CLSTN2: variants seen among roughly 807,000 people sequenced by gnomAD.
CLSTN2 encodes calsyntenin 2, also known as calsyntenin-2.
A neutral mutation model predicts 101.2 loss-of-function variants in CLSTN2; 48 were observed. The ratio of observed to expected loss-of-function variants is 0.47; its 90% confidence interval spans 0.38 to 0.60. CLSTN2 has a LOEUF of 0.60. Among genes scored for constraint, CLSTN2 ranks in the 20% least tolerant of loss-of-function variants. The pLI is 0.00. For missense variants in CLSTN2, 1,160 were observed against 1,238.2 expected (o/e 0.94, Z 0.95); for synonymous variants, 481 against 463.6 (o/e 1.04, Z -0.48).
At chr3:140,149,658 C>T (rs1266259382) in intron 1 of CLSTN2, among the ~76,000 whole-genome samples, 1 of 152,066 alleles carries the variant, frequency 6.6e-6, no homozygotes, top group Non-Finnish European at 1.5e-5. Context: ...AGGGTTCCAC[C>T]GTGTTGGCCA....
intron 2 of CLSTN2, among the ~76,000 whole-genome samples, chr3:140,399,438 A>ACTTGT (rs1256753291): frequency 6.6e-6 from 1 of 152,166 alleles, no homozygotes; most frequent in Non-Finnish European, 1.5e-5. Flanking sequence ...CTCTGTTTCA[A>ACTTGT]CTTGTCATGA....
chr3:139,981,257 G>A (rs1420576648), intron 1 of CLSTN2, among the ~76,000 whole-genome samples: 2 of 152,130 alleles, frequency 1.3e-5, no homozygotes, highest in South Asian at 2.1e-4. Flanking sequence ...TTGTGAAAAC[G>A]CAGTGATATT....
chr3:140,520,487 C>G (rs1935001364), intron 8 of CLSTN2, among the ~76,000 whole-genome samples: 1 of 152,186 alleles, frequency 6.6e-6, no homozygotes, highest in Admixed American at 6.5e-5. Context: ...TATCAGATCT[C>G]ATGAGACTCA....
intron 10 of CLSTN2, 21 bp downstream of exon 10, chr3:140,546,702 A>C: frequency 6.3e-7 from 1 of 1,592,692 alleles, no homozygotes; most frequent in Non-Finnish European, 8.5e-7. Context: ...AGCTGGCATC[A>C]CTCCCAATAA....
At chr3:140,448,315 T>C (rs1050947586) in intron 5 of CLSTN2, among the ~76,000 whole-genome samples, 3 of 152,114 alleles carry the variant, frequency 2.0e-5, no homozygotes, top group Non-Finnish European at 4.4e-5. Flanking sequence ...TGGGTGCAGT[T>C]TTCTGTGTTT....
At chr3:140,117,057 G>A (rs1351239969) in intron 1 of CLSTN2, among the ~76,000 whole-genome samples, 1 of 152,130 alleles carries the variant, frequency 6.6e-6, no homozygotes, top group African/African-American at 2.4e-5. Context: ...AGTTTGCTAG[G>A]ATGGCCCTGA....
At chr3:140,314,880 A>G (rs923612157) in intron 2 of CLSTN2, among the ~76,000 whole-genome samples, 5 of 152,090 alleles carry the variant, frequency 3.3e-5, no homozygotes, top group Non-Finnish European at 5.9e-5. Context: ...TCCCTAAAGG[A>G]AGGAATCCTC....
chr3:140,213,771 A>C (rs1449861977), intron 2 of CLSTN2, among the ~76,000 whole-genome samples: 1 of 152,146 alleles, frequency 6.6e-6, no homozygotes, highest in Non-Finnish European at 1.5e-5. Context: ...TTTTCTTTGC[A>C]GAAGGTCAAC....
At chr3:140,443,792 C>T (rs1933016554) in intron 5 of CLSTN2, among the ~76,000 whole-genome samples, 1 of 152,228 alleles carries the variant, frequency 6.6e-6, no homozygotes, top group African/African-American at 2.4e-5. Context: ...CTTAGCCTGG[C>T]ATATCTCGTG....
intron 2 of CLSTN2, among the ~76,000 whole-genome samples, chr3:140,387,975 G>C (rs534423873): frequency 6.6e-6 from 1 of 152,160 alleles, no homozygotes; most frequent in Non-Finnish European, 1.5e-5. Flanking sequence ...GAAGGGACTG[G>C]GTTCTATTCC....
chr3:139,963,080 T>A (rs75669830), intron 1 of CLSTN2, among the ~76,000 whole-genome samples: 1 of 152,124 alleles, frequency 6.6e-6, no homozygotes, highest in South Asian at 2.1e-4. Flanking sequence ...GGTCCCCTCA[T>A]AAAAGATGAG....
chr3:140,239,470 A>G (rs2086442276), intron 2 of CLSTN2, among the ~76,000 whole-genome samples: 1 of 152,234 alleles, frequency 6.6e-6, no homozygotes, highest in Non-Finnish European at 1.5e-5. Flanking sequence ...AAATGAATAA[A>G]TGAATATCAT....
chr3:140,168,896 G>C (rs990270903), intron 1 of CLSTN2, among the ~76,000 whole-genome samples: 2 of 152,010 alleles, frequency 1.3e-5, no homozygotes, highest in Non-Finnish European at 2.9e-5. Context: ...ATTAGGGTAG[G>C]TTTGCAGTAA....
At chr3:140,493,589 C>T (rs1165858747) in intron 8 of CLSTN2, among the ~76,000 whole-genome samples, 2 of 152,152 alleles carry the variant, frequency 1.3e-5, no homozygotes, top group African/African-American at 4.8e-5. Flanking sequence ...AAATACTTGG[C>T]AAAGCTGTCC....
chr3:139,984,101 A>C (rs1400356861), intron 1 of CLSTN2, among the ~76,000 whole-genome samples: 2 of 152,196 alleles, frequency 1.3e-5, no homozygotes, highest in African/African-American at 4.8e-5. Context: ...CAATAATGGC[A>C]TGTTCAAAAA....
At chr3:140,184,739 T>A (rs1483588259) in intron 2 of CLSTN2, among the ~76,000 whole-genome samples, 1 of 152,182 alleles carries the variant, frequency 6.6e-6, no homozygotes, top group Non-Finnish European at 1.5e-5. Context: ...TTCATACCCC[T>A]ATTTCATGTA....
chr3:140,348,778 G>GA (rs1301143407), intron 2 of CLSTN2, among the ~76,000 whole-genome samples: 1 of 152,138 alleles, frequency 6.6e-6, no homozygotes, highest in Non-Finnish European at 1.5e-5. Flanking sequence ...TGTACTGGAG[G>GA]AAATTCCTTC....
At chr3:140,311,817 C>T (rs1249573384) in intron 2 of CLSTN2, among the ~76,000 whole-genome samples, 1 of 152,130 alleles carries the variant, frequency 6.6e-6, no homozygotes, top group Non-Finnish European at 1.5e-5. Context: ...AGGCACTCAA[C>T]CCCAGATCCT....
intron 1 of CLSTN2, among the ~76,000 whole-genome samples, chr3:139,962,760 C>A (rs1230214975): frequency 6.6e-6 from 1 of 152,110 alleles, no homozygotes; most frequent in Non-Finnish European, 1.5e-5. Flanking sequence ...AGTATTCCAT[C>A]ATCTGTATGT....
Sources: allele counts gnomAD v4.1 joint callset (sites outside exome capture counted in the v4.1 genomes callset), GRCh38; gene constraint gnomAD v4.1.1; transcripts MANE v1.5; gene names NCBI Gene and HGNC (gene_info 2026-07-23, HGNC 2026-07-21).